Variants in CNPY1 observed in about 807,000 individuals in gnomAD.
CNPY1 encodes protein canopy homolog 1.
A neutral mutation model predicts 14.4 loss-of-function variants in CNPY1; 14 were observed. The observed-to-expected ratio is 0.97, with a 90% confidence interval of 0.64 to 1.52. The LOEUF (loss-of-function observed/expected upper bound fraction) is 1.52. Ranked by LOEUF, CNPY1 falls within the 40% of genes most tolerant of loss-of-function variation. The pLI is 0.00. For missense variants in CNPY1, 129 were observed against 131.5 expected, an observed-to-expected ratio of 0.98 and a Z score of 0.09; for synonymous variants, 43 against 46.5, an observed-to-expected ratio of 0.92 and a Z score of 0.31.
intron 2 of CNPY1, among the ~76,000 whole-genome samples, chr7:155,527,434 CT>C (rs11364914): frequency 0.092 from 5,219 of 56,768 alleles, 19 homozygotes; most frequent in South Asian, 0.12. Context: ...TAATTAATTT[CT>C]TTTTTTTTTT....
At chr7:155,514,971 A>G (rs1342153973) in intron 2 of CNPY1, among the ~76,000 whole-genome samples, 2 of 152,214 alleles carry the variant, frequency 1.3e-5, no homozygotes, top group Non-Finnish European at 2.9e-5. Flanking sequence ...AATGAACTGG[A>G]TGATGAGTCA....
intron 2 of CNPY1, among the ~76,000 whole-genome samples, chr7:155,532,248 C>A (rs1796949075): frequency 6.6e-6 from 1 of 152,182 alleles, no homozygotes; most frequent in Admixed American, 6.5e-5. Flanking sequence ...CTCTGTGTGT[C>A]CCTGCAGGCT....
intron 4 of CNPY1, among the ~76,000 whole-genome samples, chr7:155,503,440 G>C (rs978757538): frequency 3.3e-5 from 5 of 152,052 alleles, no homozygotes; most frequent in Non-Finnish European, 5.9e-5. Context: ...AGCCTGTAAT[G>C]GGCACAGGAC....
intron 2 of CNPY1, among the ~76,000 whole-genome samples, chr7:155,538,433 G>A (rs745607226): frequency 7.9e-5 from 12 of 152,172 alleles, no homozygotes; most frequent in Non-Finnish European, 1.5e-4. Flanking sequence ...CTTCACCCGC[G>A]TGTGACCCTG....
At chr7:155,534,447 A>C (rs1462627311) in intron 2 of CNPY1, among the ~76,000 whole-genome samples, 2 of 152,206 alleles carry the variant, frequency 1.3e-5, no homozygotes, top group Admixed American at 1.3e-4. Flanking sequence ...GCATGTGCAC[A>C]CACAGACACA....
In CNPY1 at chr7:155,502,007, G is replaced by GC. The variant is rs1250878367; in HGVS notation, c.*1060_*1061insG. On this transcript the variant is annotated 3_prime_UTR_variant, in exon 5 of 5. Transcript: ENST00000636446. ...AGAGTTTTGGGTCGGGGGGGTTGGGGGGGGGATTTGTAGCATCCTACCCAC... is the reference window on the plus strand; with the variant it reads ...AGAGTTTTGGGTCGGGGGGGTTGGGGCGGGGGATTTGTAGCATCCTACCCAC... 4.7e-5 allele frequency: 7 copies of GC among 150,488 alleles called. No individual in the cohort carries two copies. Among genetic ancestry groups the GC allele is most frequent in the African/African-American group, 1.5e-4 (6 of 41,026 alleles). The allele number at this position is 150,488 out of a possible 1,614,324, so 9.3% of individuals were successfully genotyped here. A position where few individuals can be genotyped will look rare whatever the true frequency, so the allele number is the denominator to read the frequency against.
intron 2 of CNPY1, among the ~76,000 whole-genome samples, chr7:155,531,578 G>A (rs1178582136): frequency 2.0e-5 from 3 of 152,028 alleles, no homozygotes; most frequent in Admixed American, 6.6e-5. Context: ...TTAGGATATC[G>A]GCACTTCCCT....
chr7:155,544,308 C>T (rs781742249), intron 2 of CNPY1, among the ~76,000 whole-genome samples: 1 of 152,204 alleles, frequency 6.6e-6, no homozygotes, highest in Non-Finnish European at 1.5e-5. Flanking sequence ...TAAAGGCTGT[C>T]GCCCAGCAGC....
At chr7:155,532,978 A>T (rs1357345127) in intron 2 of CNPY1, among the ~76,000 whole-genome samples, 1 of 152,236 alleles carries the variant, frequency 6.6e-6, no homozygotes, top group Non-Finnish European at 1.5e-5. Flanking sequence ...GTCAGAAAAC[A>T]AAACGTGCTC....
At chr7:155,512,277 T>G (rs1057324021) in intron 2 of CNPY1, among the ~76,000 whole-genome samples, 1 of 152,196 alleles carries the variant, frequency 6.6e-6, no homozygotes, top group Admixed American at 6.5e-5. Flanking sequence ...ACTTGTTTGG[T>G]ACAAGTTATA....
At chr7:155,532,853 G>A (rs948006201) in intron 2 of CNPY1, among the ~76,000 whole-genome samples, 1 of 152,108 alleles carries the variant, frequency 6.6e-6, no homozygotes, top group African/African-American at 2.4e-5. Context: ...GTGTGCTTGT[G>A]CCTCGCCGTC....
chr7:155,530,137 C>T (rs1478756833), intron 2 of CNPY1, among the ~76,000 whole-genome samples: 1 of 152,096 alleles, frequency 6.6e-6, no homozygotes, highest in Admixed American at 6.6e-5. Flanking sequence ...CAATCCAGTG[C>T]ACTGCTTCAC....
chr7:155,542,769 C>A (rs1013121886), intron 2 of CNPY1, among the ~76,000 whole-genome samples: 3 of 152,220 alleles, frequency 2.0e-5, no homozygotes, highest in African/African-American at 7.2e-5. Context: ...GGCCCGCCTG[C>A]GGCCACAGCC....
At chr7:155,542,561 A>G (rs887385205) in intron 2 of CNPY1, among the ~76,000 whole-genome samples, 1 of 152,176 alleles carries the variant, frequency 6.6e-6, no homozygotes, top group African/African-American at 2.4e-5. Context: ...TGTCTGAGCC[A>G]CAATGCTGCT....
Position 155,538,569 on chromosome 7 carries a change from C to T in CNPY1, c.99+7262G>A, listed in dbSNP as rs371877995. Among the ~76,000 whole-genome samples the T allele has an allele frequency of 8.5e-5, 13 of 152,240 alleles. No individual in the cohort carries two copies. In the South Asian group the frequency reaches 2.7e-3, roughly 32 times the overall value. ...CCCCCACAAGGCCCTGAGCTTGGGT[C>T]TGGATTGATCTGAGGGACGTCTGCG... On this transcript the variant is annotated intron_variant, in intron 2 of 4. Transcript: ENST00000636446.
intron 2 of CNPY1, among the ~76,000 whole-genome samples, chr7:155,535,482 G>A (rs1376658347): frequency 6.6e-6 from 1 of 152,170 alleles, no homozygotes; most frequent in East Asian, 1.9e-4. Flanking sequence ...AAGGCATAAG[G>A]ATACACTCAA....
At chr7:155,520,423 TCTTTC>T (rs1796697211) in intron 2 of CNPY1, among the ~76,000 whole-genome samples, 1 of 140,328 alleles carries the variant, frequency 7.1e-6, no homozygotes, top group African/African-American at 2.6e-5. Context: ...TTTCTTTCTT[TCTTTC>T]TTTTTTTTTT....
chr7:155,524,562 T>A (rs950278051), intron 2 of CNPY1, among the ~76,000 whole-genome samples: 1 of 152,162 alleles, frequency 6.6e-6, no homozygotes, highest in Non-Finnish European at 1.5e-5. Context: ...GGGATCCAGG[T>A]TGTGGGCTCC....
chr7:155,501,145 C>G lies in CNPY1; in HGVS notation c.*1923G>C, dbSNP rs1310944485. 1 of 152,136 alleles carries G rather than the reference C, an allele frequency of 6.6e-6. No homozygotes were observed. The highest frequency in any genetic ancestry group is 2.4e-5 in the African/African-American group (1 of 41,426). 9.4% of individuals were successfully genotyped at this position (152,136 alleles called of 1,614,324 possible). A position where few individuals can be genotyped will look rare whatever the true frequency, so the allele number is the denominator to read the frequency against. On this transcript the variant is annotated 3_prime_UTR_variant, in exon 5 of 5. Coordinates refer to ENST00000636446, the MANE Select transcript of CNPY1 (RefSeq NM_001393663.1). Reference sequence around the variant, plus strand: ...TATTAAAAATTTGCAAGATACAAGACTATTTTTAATGGGAAATCCAAGAAA... The same window carrying G: ...TATTAAAAATTTGCAAGATACAAGAGTATTTTTAATGGGAAATCCAAGAAA...
Sources: allele counts gnomAD v4.1 joint callset (sites outside exome capture counted in the v4.1 genomes callset), GRCh38; gene constraint gnomAD v4.1.1; transcripts MANE v1.5; gene names NCBI Gene and HGNC (gene_info 2026-07-23, HGNC 2026-07-21).